SLC2A12: variants seen among roughly 807,000 people sequenced by gnomAD.
The protein encoded by SLC2A12 is solute carrier family 2, facilitated glucose transporter member 12.
In SLC2A12, 23 loss-of-function variants were observed where a neutral mutation model predicts 41.8. The ratio of observed to expected loss-of-function variants is 0.55; its 90% CI spans 0.40 to 0.78. The LOEUF is 0.78. SLC2A12 is among the 30% of genes least tolerant of loss of function. The pLI is 0.00. For synonymous variants in SLC2A12, 295 were observed against 285.9 expected (o/e 1.03, Z -0.32); for missense variants, 654 against 745.6 (o/e 0.88, Z 1.43).
At chr6:134,022,552 AG>A (rs1338068321) in intron 2 of SLC2A12, among the ~76,000 whole-genome samples, 5 of 52,866 alleles carry the variant, frequency 9.5e-5, no homozygotes, top group East Asian at 6.1e-4. Flanking sequence ...AGAAAAGAAA[AG>A]AAAAGAAAAG....
At position 134,042,437 on chromosome 6, in the gene SLC2A12, G is replaced by C. The variant is rs148597257; in HGVS notation, c.103+9941C>G. 1.6e-3 allele frequency among the ~76,000 whole-genome samples: 246 copies of C among 151,684 alleles called. 1 individual carries two copies. The highest frequency in any genetic ancestry group is 3.0e-3 in the Non-Finnish European group (203 of 67,974). Reference sequence around the variant, plus strand: ...CCTATGGGAGAGAGCGAGAGGGAGAGAGAAAAGGCTAAAGTGCTCTATCGA... The same window carrying C: ...CCTATGGGAGAGAGCGAGAGGGAGACAGAAAAGGCTAAAGTGCTCTATCGA... On this transcript the variant is annotated intron_variant, in intron 1 of 4. Coordinates refer to ENST00000275230, the MANE Select transcript of SLC2A12 (RefSeq NM_145176.3).
chr6:134,016,729 T>C (rs1582607702), intron 2 of SLC2A12, among the ~76,000 whole-genome samples: 1 of 152,360 alleles, frequency 6.6e-6, no homozygotes, highest in East Asian at 1.9e-4. Context: ...CAGCCCCTTA[T>C]GGTTATCAAC....
chr6:134,038,891 G>A (rs948854019), intron 1 of SLC2A12, among the ~76,000 whole-genome samples: 1 of 151,352 alleles, frequency 6.6e-6, no homozygotes, highest in African/African-American at 2.4e-5. Context: ...TTTTAGTAGA[G>A]ACAGGGTTTC....
intron 3 of SLC2A12, among the ~76,000 whole-genome samples, chr6:134,006,285 T>C (rs190841923): frequency 6.6e-6 from 1 of 152,090 alleles, no homozygotes; most frequent in African/African-American, 2.4e-5. Context: ...AAATCATTTG[T>C]TTTTTAATAG....
chr6:134,044,453 C>T (rs934663359), intron 1 of SLC2A12, among the ~76,000 whole-genome samples: 43 of 152,132 alleles, frequency 2.8e-4, no homozygotes, highest in African/African-American at 8.2e-4. Context: ...TGGCTTCACG[C>T]CTGTAATCCC....
At chr6:134,045,387 A>G (rs778161360) in intron 1 of SLC2A12, among the ~76,000 whole-genome samples, 3 of 152,172 alleles carry the variant, frequency 2.0e-5, no homozygotes, top group Non-Finnish European at 4.4e-5. Flanking sequence ...CTGTCCTCTA[A>G]TATCTGTGCT....
intron 2 of SLC2A12, among the ~76,000 whole-genome samples, chr6:134,025,487 A>G (rs867547675): frequency 6.6e-6 from 1 of 152,242 alleles, no homozygotes. Flanking sequence ...AGCTTAAACC[A>G]TATTTTAAAA....
In SLC2A12 at chr6:133,991,033, G is replaced by T; in HGVS notation, c.*122C>A. ...AAGGCTGTCTTTATCATTTCAGAGT[G>T]TCTCTTCAAAACCAGTTCCATGACA... On this transcript the variant is annotated 3_prime_UTR_variant, in exon 5 of 5. Transcript: ENST00000275230. The T allele has an allele frequency of 1.7e-6, 2 of 1,151,374 alleles. No homozygotes were observed. The highest frequency in any genetic ancestry group is 2.4e-6 in the Non-Finnish European group (2 of 830,974). The allele number at this position is 1,151,374 out of a possible 1,614,324, so 71.3% of individuals were successfully genotyped here. A position where few individuals can be genotyped will look rare whatever the true frequency, so the allele number is the denominator to read the frequency against.
intron 1 of SLC2A12, among the ~76,000 whole-genome samples, chr6:134,050,894 A>G (rs1773673112): frequency 6.6e-6 from 1 of 152,048 alleles, no homozygotes; most frequent in Admixed American, 6.5e-5. Flanking sequence ...AGGACAGGCC[A>G]TATTGAAAGA....
In SLC2A12 at chr6:134,028,980, C is replaced by G; in HGVS notation, c.845G>C (p.Gly282Ala). ...TTGTACAAAAAATACTAGTGTTAGT[C>G]CTATCATTATTCGGGTCCGCATGTT... ...KDNMRTRIMI[G>A]LTLVFFVQIT... The change falls in exon 2 of 5, where the codon GGA becomes GCA. Residue 282 changes from glycine (G) to alanine (A), a missense_variant. Physicochemically the swap from Gly to Ala is moderately conservative, Grantham distance 60 (BLOSUM62 0). Transcript: ENST00000275230. 6.2e-6 allele frequency: 10 copies of G among 1,614,162 alleles called. No homozygotes were observed. The highest frequency in any genetic ancestry group is 7.6e-6 in the Non-Finnish European group (9 of 1,180,032).
chr6:134,032,855 T>G (rs998177302), intron 1 of SLC2A12, among the ~76,000 whole-genome samples: 8 of 143,432 alleles, frequency 5.6e-5, no homozygotes, highest in Non-Finnish European at 9.0e-5. Flanking sequence ...AAATATATAT[T>G]TATATAATAT....
At chr6:134,032,515 T>C (rs976476248) in intron 1 of SLC2A12, among the ~76,000 whole-genome samples, 9 of 142,464 alleles carry the variant, frequency 6.3e-5, no homozygotes, top group Admixed American at 1.4e-4. Flanking sequence ...TATATATATA[T>C]AGCATATATA....
chr6:134,027,945 T>C (rs910543713), intron 2 of SLC2A12, among the ~76,000 whole-genome samples: 11 of 152,334 alleles, frequency 7.2e-5, no homozygotes, highest in Admixed American at 6.5e-4. Context: ...TCTTCCTTCT[T>C]TACTATCACT....
intron 1 of SLC2A12, among the ~76,000 whole-genome samples, chr6:134,043,758 C>A (rs2114506828): frequency 6.7e-6 from 1 of 149,724 alleles, no homozygotes; most frequent in African/African-American, 2.5e-5. Context: ...CACCACTGCA[C>A]CCTAGCCTGG....
chr6:134,014,998 CAA>C (rs1034776967), intron 2 of SLC2A12, among the ~76,000 whole-genome samples: 3 of 152,326 alleles, frequency 2.0e-5, no homozygotes, highest in African/African-American at 7.2e-5. Flanking sequence ...TGTTTGGATG[CAA>C]AGTTAATACA....
intron 1 of SLC2A12, among the ~76,000 whole-genome samples, 154 bp downstream of exon 1, chr6:134,052,224 A>T (rs1436376115): frequency 8.1e-6 from 1 of 122,964 alleles, no homozygotes; most frequent in Non-Finnish European, 1.8e-5. Flanking sequence ...CCACTCATCC[A>T]GCGCGCCCAC....
intron 4 of SLC2A12, among the ~76,000 whole-genome samples, chr6:133,993,855 G>A (rs973341958): frequency 2.0e-5 from 3 of 152,328 alleles, no homozygotes; most frequent in African/African-American, 7.2e-5. Flanking sequence ...CCTCTGGCCT[G>A]TGTGGCTGTG....
rs369424099 is a variant in SLC2A12 at position 133,995,367 on chromosome 6, A to G, written c.1701-4059T>C. Among the ~76,000 whole-genome samples, 8 of 152,186 alleles carry G rather than the reference A, an allele frequency of 5.3e-5. No individual in the cohort carries two copies. The East Asian group carries it at 1.2e-3, about 22-fold the overall frequency. On this transcript the variant is annotated intron_variant, in intron 4 of 4. Coordinates refer to ENST00000275230, the MANE Select transcript of SLC2A12 (RefSeq NM_145176.3). ...GAGAGGGGGTGAAGGGGGCTCTCAT[A>G]GGAAGGACTGCATTCCTACATAGGC...
chr6:134,000,904 G>C (rs1040109300), intron 4 of SLC2A12, among the ~76,000 whole-genome samples: 1 of 152,188 alleles, frequency 6.6e-6, no homozygotes, highest in African/African-American at 2.4e-5. Context: ...TTAAGCCTGA[G>C]AGTTTTTCTG....
Sources: gnomAD v4.1 joint callset for allele counts (sites outside exome capture counted in the v4.1 genomes callset) on GRCh38, gnomAD v4.1.1 for gene constraint, MANE v1.5 for transcripts, NCBI Gene and HGNC (gene_info 2026-07-23, HGNC 2026-07-21) for gene names.